ATP8A1: variants seen among roughly 807,000 people sequenced by gnomAD.
The protein encoded by ATP8A1 is phospholipid-transporting ATPase IA.
In ATP8A1, 90 loss-of-function variants were observed where a neutral mutation model predicts 177.7. The ratio of observed to expected loss-of-function variants is 0.51; its 90% CI spans 0.43 to 0.60. The LOEUF is 0.60. Among genes scored for constraint, ATP8A1 ranks in the 20% least tolerant of loss-of-function variants. ATP8A1 has a pLI of 0.00. For missense variants in ATP8A1, 1,072 were observed against 1,392.8 expected (o/e 0.77, Z 3.67); for synonymous variants, 493 against 485.9 (o/e 1.01, Z -0.19).
rs900942662 is a variant in ATP8A1 at position 42,523,702 on chromosome 4, T to C, written c.1807+1061A>G. 2.0e-5 allele frequency among the ~76,000 whole-genome samples: 3 copies of C among 152,292 alleles called. No homozygotes were observed. The East Asian group carries it at 5.8e-4, about 29-fold the overall frequency. Reference sequence around the variant, plus strand: ...ACATCACATCTAGAGAGGAGAAAGATGCCCTCAGCTCTCCTCCAAAACAAA... The same window carrying C: ...ACATCACATCTAGAGAGGAGAAAGACGCCCTCAGCTCTCCTCCAAAACAAA... On this transcript the variant is annotated intron_variant, in intron 21 of 36. Transcript: ENST00000381668.
chr4:42,460,379 C>CTTTTTTTTTTTTTTTTTTTTTTT (rs35296572), intron 27 of ATP8A1, among the ~76,000 whole-genome samples: 1 of 94,542 alleles, frequency 1.1e-5, no homozygotes. Flanking sequence ...ATGGATGGAT[C>CTTTTTTTTTTTTTTTTTTTTTTT]TTTTTTTTTT....
chr4:42,473,823 T>G (rs1243391049), intron 25 of ATP8A1, among the ~76,000 whole-genome samples: 3 of 150,506 alleles, frequency 2.0e-5, no homozygotes, highest in South Asian at 2.1e-4. Context: ...TTTTTGTGTT[T>G]TTTTTTTTTT....
rs558437721 is a variant in ATP8A1 at position 42,408,421 on chromosome 4, C to T, written c.*4495G>A. 6 of 152,216 alleles carry T rather than the reference C, an allele frequency of 3.9e-5. No individual in the cohort carries two copies. The highest frequency in any genetic ancestry group is 1.4e-4 in the African/African-American group (6 of 41,550). 9.4% of individuals were successfully genotyped at this position (152,216 alleles called of 1,614,324 possible). A position where few individuals can be genotyped will look rare whatever the true frequency, so the allele number is the denominator to read the frequency against. ...TTCATTTTTAATAACAATTAGAGGA[C>T]AAAATGTTTAAAATTTGCAGTTTAA... is the stretch of plus-strand genomic sequence containing the variant. On this transcript the variant is annotated 3_prime_UTR_variant, in exon 37 of 37. Coordinates refer to ENST00000381668, the MANE Select transcript of ATP8A1 (RefSeq NM_006095.2).
chr4:42,575,933 G>A (rs918951130), intron 12 of ATP8A1, among the ~76,000 whole-genome samples: 4 of 152,152 alleles, frequency 2.6e-5, no homozygotes, highest in African/African-American at 9.7e-5. Flanking sequence ...GTTAGAGCCT[G>A]TCTATGAATC....
chr4:42,586,599 TCTC>T, intron 8 of ATP8A1, 123 bp from the exon 9 acceptor site: 1 of 909,488 alleles, frequency 1.1e-6, no homozygotes, highest in Non-Finnish European at 1.6e-6. Context: ...TATAAGCAAT[TCTC>T]CTCTACTCTG....
chr4:42,625,854 C>T, intron 2 of ATP8A1, 141 bp from the exon 3 acceptor site: 1 of 451,232 alleles, frequency 2.2e-6, no homozygotes. Flanking sequence ...TGCAAAGGGT[C>T]ATTAACCTAA....
chr4:42,422,393 T>C (rs1369984745), intron 35 of ATP8A1, among the ~76,000 whole-genome samples: 1 of 152,184 alleles, frequency 6.6e-6, no homozygotes, highest in Non-Finnish European at 1.5e-5. Flanking sequence ...CCTGGCCAAT[T>C]ACATACATTT....
At chr4:42,421,825 T>C (rs1029510844) in intron 35 of ATP8A1, among the ~76,000 whole-genome samples, 4 of 152,050 alleles carry the variant, frequency 2.6e-5, no homozygotes, top group African/African-American at 9.7e-5. Flanking sequence ...AAAAATAAAT[T>C]CCTCCTCCTA....
chr4:42,470,275 T>C (rs1398787453), intron 25 of ATP8A1, among the ~76,000 whole-genome samples: 4 of 152,240 alleles, frequency 2.6e-5, no homozygotes, highest in Non-Finnish European at 5.9e-5. Context: ...CTGCACATGT[T>C]ATTCATTATT....
chr4:42,475,843 G>T lies in ATP8A1; in HGVS notation c.2324+9653C>A, dbSNP rs187985759. Among the ~76,000 whole-genome samples, 29 of 152,172 alleles carry T rather than the reference G, an allele frequency of 1.9e-4. No individual in the cohort carries two copies. In the East Asian group the frequency reaches 5.0e-3, roughly 26 times the overall value. ...ACCTGAGGTCAGGAGTTTGAGACCA[G>T]CCTGGCCAACTTGGTAAAATATAGG... On this transcript the variant is annotated intron_variant, in intron 25 of 36. Transcript: ENST00000381668.
intron 31 of ATP8A1, among the ~76,000 whole-genome samples, chr4:42,445,941 G>A (rs1560332066): frequency 1.3e-5 from 2 of 151,792 alleles, no homozygotes; most frequent in Admixed American, 6.6e-5. Flanking sequence ...TTAGCTGGGC[G>A]TGATGGCACA....
intron 5 of ATP8A1, among the ~76,000 whole-genome samples, chr4:42,612,786 C>T (rs6840779): frequency 0.96 from 146,107 of 152,146 alleles, 70,397 homozygotes; most frequent in East Asian, 1. Context: ...TTCAGTTAAA[C>T]GGTTGAAAAT....
intron 24 of ATP8A1, among the ~76,000 whole-genome samples, chr4:42,494,162 CAAAAAAAA>C (rs397993131): frequency 2.1e-4 from 11 of 53,480 alleles, no homozygotes; most frequent in African/African-American, 4.1e-4. Context: ...GATCATGCCA[CAAAAAAAA>C]AAAAAAAAAA....
Position 42,656,807 on chromosome 4 carries a change from G to C in ATP8A1, c.49+18C>G. 6.4e-7 allele frequency: 1 copy of C among 1,555,316 alleles called. No individual in the cohort carries two copies. The highest frequency in any genetic ancestry group is 8.7e-7 in the Non-Finnish European group (1 of 1,149,082). ...CTTCCCGACCCCGGGCTAGCCCCGAGCCTCGGCGGCCCCTTACCTTCGGCG... is the reference window on the plus strand; with the variant it reads ...CTTCCCGACCCCGGGCTAGCCCCGACCCTCGGCGGCCCCTTACCTTCGGCG... On this transcript the variant is annotated intron_variant, in intron 1 of 36. Transcript: ENST00000381668.
chr4:42,419,967 C>T (rs1225326764), intron 35 of ATP8A1, among the ~76,000 whole-genome samples: 2 of 151,840 alleles, frequency 1.3e-5, no homozygotes, highest in Non-Finnish European at 2.9e-5. Flanking sequence ...TGTGCCATTG[C>T]ACTCCAGCCC....
At chr4:42,612,587 G>C (rs1208394946) in intron 5 of ATP8A1, among the ~76,000 whole-genome samples, 2 of 151,508 alleles carry the variant, frequency 1.3e-5, no homozygotes, top group African/African-American at 4.9e-5. Context: ...TTGGAAAACA[G>C]TACACAATTT....
At chr4:42,589,665 C>T (rs1187476480) in intron 7 of ATP8A1, among the ~76,000 whole-genome samples, 1 of 152,082 alleles carries the variant, frequency 6.6e-6, no homozygotes, top group African/African-American at 2.4e-5. Context: ...TTTTTAAAAT[C>T]ACTGTCACAA....
At position 42,625,736 on chromosome 4, in the gene ATP8A1, A is replaced by G; in HGVS notation, c.165-23T>C. On this transcript the variant is annotated intron_variant, in intron 2 of 36. Coordinates refer to ENST00000381668, the MANE Select transcript of ATP8A1 (RefSeq NM_006095.2). Reference sequence around the variant, plus strand: ...GTGCTAGAAAACAAAAATGAAAAGTAGCATAAAACTTCTCCATAATTAGCA... The same window carrying G: ...GTGCTAGAAAACAAAAATGAAAAGTGGCATAAAACTTCTCCATAATTAGCA... 3 of 1,441,838 alleles carry G rather than the reference A, an allele frequency of 2.1e-6. 1 individual carries two copies. The South Asian group carries it at 3.8e-5, about 18-fold the overall frequency. 89.3% of individuals were successfully genotyped at this position (1,441,838 alleles called of 1,614,324 possible). A position where few individuals can be genotyped will look rare whatever the true frequency, so the allele number is the denominator to read the frequency against.
intron 20 of ATP8A1, among the ~76,000 whole-genome samples, chr4:42,537,115 A>G (rs1727909442): frequency 6.6e-6 from 1 of 150,694 alleles, no homozygotes; most frequent in African/African-American, 2.4e-5. Context: ...CTGGGCAAAA[A>G]GAGCGAAACT....
Sources: allele counts gnomAD v4.1 joint callset (sites outside exome capture counted in the v4.1 genomes callset), GRCh38; gene constraint gnomAD v4.1.1; transcripts MANE v1.5; gene names NCBI Gene and HGNC (gene_info 2026-07-23, HGNC 2026-07-21).